Variants in VPS13A observed in about 807,000 individuals in gnomAD.
VPS13A encodes the protein vacuolar protein sorting 13 homolog A, also known as intermembrane lipid transfer protein VPS13A.
Under a neutral mutation model 390.9 loss-of-function variants are expected in VPS13A, and 264 were observed. That is an observed-to-expected ratio of 0.68 (90% confidence interval 0.61 to 0.75). The LOEUF is 0.75. Ranked by LOEUF, VPS13A falls within the 30% of genes least tolerant of loss-of-function variation. VPS13A has a pLI of 0.00. For missense variants in VPS13A, 3,409 were observed against 3,733.9 expected (o/e 0.91, Z 2.27); for synonymous variants, 1,231 against 1,227.1 (o/e 1.00, Z -0.07).
chr9:77,210,820 G>A, intron 7 of VPS13A, 145 bp downstream of exon 7: 5 of 777,908 alleles, frequency 6.4e-6, no homozygotes, highest in East Asian at 2.6e-5. Flanking sequence ...GGAATCGAGG[G>A]TATGTAGATT....
At chr9:77,358,283 T>A in intron 56 of VPS13A, 74 bp from the exon 57 acceptor site, 1 of 1,307,984 alleles carries the variant, frequency 7.6e-7, no homozygotes, top group Non-Finnish European at 1.1e-6. Context: ...TTCTTTTTGT[T>A]CCTCAAATCC....
rs562970182 is a variant in VPS13A at position 77,187,270 on chromosome 9, T to C, written c.100+9466T>C. ...CCAGAAGCAGAATTACTGGATCATA[T>C]AGTAATTCCATTATCAATTTTTTTG... On this transcript the variant is annotated intron_variant, in intron 1 of 71. Coordinates refer to ENST00000360280, the MANE Select transcript of VPS13A (RefSeq NM_033305.3). 7.9e-5 allele frequency among the ~76,000 whole-genome samples: 12 copies of C among 152,344 alleles called. 1 individual carries two copies. The highest frequency in any genetic ancestry group is 2.9e-4 in the African/African-American group (12 of 41,566).
intron 10 of VPS13A, among the ~76,000 whole-genome samples, chr9:77,216,657 A>G (rs1013655195): frequency 3.9e-5 from 6 of 152,086 alleles, no homozygotes; most frequent in African/African-American, 1.4e-4. Context: ...GAGGTATGTT[A>G]GGGTTCTCTA....
intron 68 of VPS13A, among the ~76,000 whole-genome samples, chr9:77,391,432 A>G (rs1426068334): frequency 6.6e-6 from 1 of 152,148 alleles, no homozygotes; most frequent in Non-Finnish European, 1.5e-5. Flanking sequence ...ACTCATCCAA[A>G]AACACAATTT....
At chr9:77,385,347 C>A (rs543298711) in intron 68 of VPS13A, among the ~76,000 whole-genome samples, 1 of 151,826 alleles carries the variant, frequency 6.6e-6, no homozygotes, top group African/African-American at 2.4e-5. Context: ...TACTTTTTAC[C>A]GTTTTGTTTC....
At chr9:77,206,916 T>G (rs1825669973) in intron 5 of VPS13A, among the ~76,000 whole-genome samples, 1 of 151,984 alleles carries the variant, frequency 6.6e-6, no homozygotes, top group South Asian at 2.1e-4. Context: ...TTAATAGAGA[T>G]TTAACATGTA....
At chr9:77,235,000 T>C (rs2131220865) in intron 17 of VPS13A, among the ~76,000 whole-genome samples, 1 of 152,318 alleles carries the variant, frequency 6.6e-6, no homozygotes, top group Middle Eastern at 3.4e-3. Flanking sequence ...CTTTACATAC[T>C]TGTGTTCATT....
At chr9:77,206,249 C>G (rs1431134488) in intron 5 of VPS13A, among the ~76,000 whole-genome samples, 170 bp downstream of exon 5, 1 of 151,226 alleles carries the variant, frequency 6.6e-6, no homozygotes, top group Non-Finnish European at 1.5e-5. Context: ...GTTATGTGTA[C>G]AGGAATTTTA....
At chr9:77,386,438 T>A (rs1005453341) in intron 68 of VPS13A, among the ~76,000 whole-genome samples, 3 of 152,080 alleles carry the variant, frequency 2.0e-5, no homozygotes, top group African/African-American at 7.2e-5. Context: ...TGACACTTAA[T>A]TTCATGGAAT....
intron 39 of VPS13A, 111 bp from the exon 40 acceptor site, chr9:77,317,495 G>T: frequency 1.3e-6 from 1 of 762,436 alleles, no homozygotes; most frequent in Admixed American, 2.6e-5. Flanking sequence ...TTTTTAAATA[G>T]TTGTTTTTAT....
chr9:77,218,323 CA>C (rs921961478), intron 10 of VPS13A, among the ~76,000 whole-genome samples: 7 of 151,994 alleles, frequency 4.6e-5, no homozygotes, highest in African/African-American at 1.7e-4. Flanking sequence ...CTGTGTTAGC[CA>C]GGATGGTCTC....
chr9:77,349,078 A>G (rs1319197974), intron 52 of VPS13A, among the ~76,000 whole-genome samples: 3 of 152,140 alleles, frequency 2.0e-5, no homozygotes, highest in Non-Finnish European at 4.4e-5. Context: ...TATAAAAGTA[A>G]TAGTTGTTAA....
intron 70 of VPS13A, among the ~76,000 whole-genome samples, 175 bp from the exon 71 acceptor site, chr9:77,407,358 T>G (rs950419453): frequency 1.3e-5 from 2 of 152,216 alleles, no homozygotes; most frequent in African/African-American, 4.8e-5. Context: ...TAGAATGTAG[T>G]CTTTTTTTCT....
intron 33 of VPS13A, among the ~76,000 whole-genome samples, chr9:77,300,095 T>A (rs1025397580): frequency 3.5e-4 from 54 of 152,196 alleles, no homozygotes; most frequent in African/African-American, 1.3e-3. Flanking sequence ...ATAAAAAAAA[T>A]TAGAATTATA....
intron 1 of VPS13A, among the ~76,000 whole-genome samples, chr9:77,185,155 T>G (rs1824256536): frequency 6.6e-6 from 1 of 151,964 alleles, no homozygotes; most frequent in Non-Finnish European, 1.5e-5. Flanking sequence ...CTCTTTTTTT[T>G]TTTTTGAGAC....
At chr9:77,185,562 G>C (rs1824280563) in intron 1 of VPS13A, among the ~76,000 whole-genome samples, 1 of 152,182 alleles carries the variant, frequency 6.6e-6, no homozygotes, top group South Asian at 2.1e-4. Context: ...TAAGGGTTCT[G>C]TGTCGAATAT....
intron 37 of VPS13A, 90 bp from the exon 38 acceptor site, chr9:77,315,163 A>G: frequency 8.5e-7 from 1 of 1,183,286 alleles, no homozygotes; most frequent in Non-Finnish European, 1.2e-6. Flanking sequence ...TTTGTCAGTA[A>G]AAGAGATAAG....
chr9:77,275,662 A>G lies in VPS13A; in HGVS notation c.2667+10A>G. ...ATTTGAAGTACCAAAGGTAGGTACT[A>G]CGGTAAAATTAACATGGCTTAATTT... On this transcript the variant is annotated intron_variant, in intron 25 of 71. Transcript: ENST00000360280. The G allele has an allele frequency of 1.2e-6, 2 of 1,611,478 alleles. No homozygotes were observed. The highest frequency in any genetic ancestry group is 1.1e-5 in the South Asian group (1 of 90,988).
At chr9:77,343,797 T>C (rs1202595431) in intron 50 of VPS13A, among the ~76,000 whole-genome samples, 1 of 152,210 alleles carries the variant, frequency 6.6e-6, no homozygotes, top group South Asian at 2.1e-4. Flanking sequence ...TAACTGAATG[T>C]ACACTTGTTT....
Sources: allele counts gnomAD v4.1 joint callset (sites outside exome capture counted in the v4.1 genomes callset), GRCh38; gene constraint gnomAD v4.1.1; transcripts MANE v1.5; gene names NCBI Gene and HGNC (gene_info 2026-07-23, HGNC 2026-07-21).